Variants in TEX10 observed in about 807,000 individuals in gnomAD.
The protein encoded by TEX10 is testis expressed 10.
Under a neutral mutation model 104.4 loss-of-function variants are expected in TEX10, and 24 were observed. That is an observed-to-expected ratio of 0.23 (90% CI 0.17 to 0.32). The LOEUF is 0.32. TEX10 is among the 10% of genes least tolerant of loss of function. The pLI is 1.00. For synonymous variants in TEX10, 396 were observed against 393.4 expected, an observed-to-expected ratio of 1.01 and a Z score of -0.08; for missense variants, 921 against 1,083.9, an observed-to-expected ratio of 0.85 and a Z score of 2.11.
intron 1 of TEX10, among the ~76,000 whole-genome samples, chr9:100,351,068 AC>A (rs1179264263): frequency 1.7e-4 from 26 of 152,126 alleles, no homozygotes; most frequent in African/African-American, 5.8e-4. Context: ...ATCAGGACAT[AC>A]CAAGCCCGGT....
rs180926323 is a variant in TEX10, at chr9:100,348,877, T to C, written c.180+307A>G. ...AGTGAGCCATGATAGCACCCCATTG[T>C]GCTCAACATGGTGTAAGAGTGAGAC... On this transcript the variant is annotated intron_variant, in intron 2 of 14. Coordinates refer to ENST00000374902, the MANE Select transcript of TEX10 (RefSeq NM_017746.4). Among the ~76,000 whole-genome samples the C allele has an allele frequency of 6.1e-3, 922 of 152,284 alleles. 6 individuals are homozygous for C. Among genetic ancestry groups the C allele is most frequent in the Admixed American group, 9.5e-3 (146 of 15,290 alleles).
intron 4 of TEX10, among the ~76,000 whole-genome samples, chr9:100,342,866 G>A (rs545127517): frequency 1.3e-5 from 2 of 152,122 alleles, no homozygotes; most frequent in South Asian, 2.1e-4. Context: ...TAGCTATATC[G>A]GCCGGGCGCG....
intron 5 of TEX10, among the ~76,000 whole-genome samples, chr9:100,339,658 G>C (rs935439731): frequency 3.9e-5 from 6 of 151,934 alleles, no homozygotes; most frequent in Non-Finnish European, 8.8e-5. Context: ...TCATTTACGG[G>C]AACTACAGTA....
chr9:100,320,359 C>G lies in TEX10; in HGVS notation c.2108G>C (p.Arg703Pro), dbSNP rs139654053. ...KEELTWLQSL[R>P]GVPHVIQTQL... ...TGTCTGGATGACATGAGGAACTCCT[C>G]GAAGGCTCTGAAGCCAAGTCAACTC... is the stretch of plus-strand genomic sequence containing the variant. The change falls in exon 11 of 15, where the codon CGA becomes CCA. Residue 703 changes from arginine (R) to proline (P), a missense_variant. Physicochemically the swap from Arg to Pro is moderately radical, Grantham distance 103. Around this residue, in one of 3 missense-constraint regions of TEX10, gnomAD observed 753 missense variants for 868.4 expected, o/e 0.87. Transcript: ENST00000374902. The G allele has an allele frequency of 4.3e-6, 7 of 1,612,146 alleles. No individual in the cohort carries two copies. The African/African-American group carries it at 6.7e-5, about 15-fold the overall frequency.
At chr9:100,306,216 A>C (rs1834139753) in intron 13 of TEX10, 1 of 152,198 alleles carries the variant, frequency 6.6e-6, no homozygotes, top group Non-Finnish European at 1.5e-5. Flanking sequence ...CCTATGTTTA[A>C]AAGGAGTTTT....
At chr9:100,326,589 G>T in intron 8 of TEX10, 110 bp from the exon 9 acceptor site, 1 of 986,058 alleles carries the variant, frequency 1.0e-6, no homozygotes, top group Non-Finnish European at 1.4e-6. Context: ...ATTTTATGCT[G>T]AATTTTATGA....
intron 2 of TEX10, among the ~76,000 whole-genome samples, chr9:100,348,550 C>T (rs1298674017): frequency 6.6e-6 from 1 of 152,162 alleles, no homozygotes; most frequent in African/African-American, 2.4e-5. Context: ...AGGATTGTAT[C>T]TTAATTCGCT....
chr9:100,349,410 G>A, intron 1 of TEX10, 38 bp from the exon 2 acceptor site: 2 of 1,397,072 alleles, frequency 1.4e-6, no homozygotes, highest in Admixed American at 2.9e-5. Flanking sequence ...AATGGATAGA[G>A]ACAAGAATAA....
rs937773996 is a variant in TEX10 at position 100,303,747 on chromosome 9, G to T, written c.2561C>A (p.Pro854His). 6.2e-7 allele frequency: 1 copy of T among 1,613,946 alleles called. No homozygotes were observed. The highest frequency in any genetic ancestry group is 8.5e-7 in the Non-Finnish European group (1 of 1,180,038). Residue 854 changes from proline (P) to histidine (H), a missense_variant, in exon 14 of 15, where the codon CCT becomes CAT. Pro to His is a moderately conservative substitution (Grantham distance 77). Transcript: ENST00000374902. ...LQSLRVNRVG[P>H]EELPVVGQLL... ...CTGGCCCACAACAGGCAGCTCCTCA[G>T]GCCCAACTCTGTTCACCCGCAGGCT...
intron 5 of TEX10, among the ~76,000 whole-genome samples, chr9:100,333,636 TAA>T (rs60509628): frequency 4.7e-3 from 515 of 109,736 alleles, no homozygotes; most frequent in South Asian, 9.0e-3. Context: ...GACCCCATCA[TAA>T]AAAAAAAAAA....
In TEX10 at chr9:100,317,967, CA is replaced by C. The variant is rs536799943; in HGVS notation, c.2202+2297del. Among the ~76,000 whole-genome samples the C allele has an allele frequency of 4.2e-3, 631 of 151,334 alleles. 4 individuals carry two copies. The highest frequency in any genetic ancestry group is 0.015 in the African/African-American group (607 of 41,266). On this transcript the variant is annotated intron_variant, in intron 11 of 14. Coordinates refer to ENST00000374902, the MANE Select transcript of TEX10 (RefSeq NM_017746.4). ...CCAGTCAGAATGGCTATTAAGAAGA[CA>C]AAAAAAACAGATATTGGTGAGGATG...
In TEX10 at chr9:100,342,793, A is replaced by G. The variant is rs182095066; in HGVS notation, c.1138-2424T>C. 4.6e-5 allele frequency among the ~76,000 whole-genome samples: 7 copies of G among 152,202 alleles called. No homozygotes were observed. The East Asian group carries it at 1.3e-3, about 29-fold the overall frequency. ...ATACTGACCCTGACACTACTAATAC[A>G]GTACCCTAAAAACCACAGTAAATCA... On this transcript the variant is annotated intron_variant, in intron 4 of 14. Transcript: ENST00000374902.
intron 9 of TEX10, among the ~76,000 whole-genome samples, chr9:100,324,942 C>A (rs957825074): frequency 3.3e-5 from 5 of 152,226 alleles, no homozygotes; most frequent in African/African-American, 1.2e-4. Flanking sequence ...ACATGGGAAA[C>A]TAATCAATAT....
At chr9:100,339,266 AAAAAAAAAG>A (rs1835099431) in intron 5 of TEX10, among the ~76,000 whole-genome samples, 2 of 129,788 alleles carry the variant, frequency 1.5e-5, no homozygotes, top group African/African-American at 3.2e-5. Context: ...AAAAAAAAAA[AAAAAAAAAG>A]TATATATATA....
intron 13 of TEX10, chr9:100,304,246 T>A (rs377070234): frequency 1.8e-5 from 4 of 219,786 alleles, no homozygotes; most frequent in South Asian, 1.5e-4. Flanking sequence ...TAAAAAAAAA[T>A]ATTCTAAAAT....
intron 13 of TEX10, chr9:100,305,669 A>G (rs571597846): frequency 6.6e-6 from 1 of 152,358 alleles, no homozygotes; most frequent in African/African-American, 2.4e-5. Flanking sequence ...TCTAGGTGAA[A>G]GAAACTATAA....
chr9:100,334,917 T>G (rs112850692), intron 5 of TEX10, among the ~76,000 whole-genome samples: 2,527 of 152,222 alleles, frequency 0.017, 65 homozygotes, highest in African/African-American at 0.058. Context: ...TGCCCACCTT[T>G]GCCTCCCAAA....
intron 12 of TEX10, 130 bp from the exon 13 acceptor site, chr9:100,308,811 GCCA>G (rs1454208566): frequency 3.0e-6 from 2 of 672,332 alleles, no homozygotes; most frequent in African/African-American, 3.7e-5. Flanking sequence ...CCTAACATAT[GCCA>G]CCTGCCACAC....
chr9:100,326,395 G>T lies in TEX10; in HGVS notation c.1886C>A (p.Pro629Gln). ...VQLVYFLPSL[P>Q]ADLLSRLSRC... is the part of the protein sequence containing the mutation. ...ACTTAACCGAGAAAGCAAATCAGCC[G>T]GCAGACTGGGTAGGAAATATACAAG... The change falls in exon 9 of 15, where the codon CCG becomes CAG. Residue 629 changes from proline to glutamine, a missense_variant. Transcript: ENST00000374902. The T allele has an allele frequency of 6.2e-7, 1 of 1,613,628 alleles. No homozygotes were observed. The highest frequency in any genetic ancestry group is 8.5e-7 in the Non-Finnish European group (1 of 1,179,916).
Sources: gnomAD v4.1 joint callset for allele counts (sites outside exome capture counted in the v4.1 genomes callset) on GRCh38, gnomAD v4.1.1 for gene constraint, gnomAD v4.1.1 regional missense constraint, MANE v1.5 for transcripts, NCBI Gene and HGNC (gene_info 2026-07-23, HGNC 2026-07-21) for gene names.